Variants in TTN observed in about 807,000 individuals in gnomAD.
TTN encodes connectin.
TTN carries 1,525 observed loss-of-function variants against 3,223.0 expected under a neutral mutation model. The ratio of observed to expected loss-of-function variants is 0.47; its 90% CI spans 0.45 to 0.49. TTN has a LOEUF of 0.49. Among genes scored for constraint, TTN ranks in the 20% least tolerant of loss-of-function variants. The pLI is 0.00. For synonymous variants in TTN, 14,094 were observed against 15,161.0 expected (o/e 0.93, Z 5.17); for missense variants, 40,786 against 43,424.0 (o/e 0.94, Z 5.40).
Position 178,775,302 on chromosome 2 carries a change from T to C in TTN, c.6508+54A>G, listed in dbSNP as rs2092093698. 20 of 1,612,446 alleles carry C rather than the reference T, an allele frequency of 1.2e-5. No individual in the cohort carries two copies. The South Asian group carries it at 1.4e-4, about 12-fold the overall frequency. On this transcript the variant is annotated intron_variant, in intron 28 of 362. Coordinates refer to ENST00000589042, the MANE Select transcript of TTN (RefSeq NM_001267550.2). ...AAGAAAATAAAAGTAAACACACTCA[T>C]GGATATTCTTGAATACAAAGACAGG...
chr2:178,735,318 A>T (rs1206441578), intron 50 of TTN, among the ~76,000 whole-genome samples, 193 bp downstream of exon 50: 1 of 152,228 alleles, frequency 6.6e-6, no homozygotes, highest in East Asian at 1.9e-4. Context: ...TTAAAAGAAC[A>T]AAAGTTAAGT....
At position 178,540,048 on chromosome 2, in the gene TTN, C is replaced by G; in HGVS notation, c.98098+20G>C. The G allele has an allele frequency of 6.3e-7, 1 of 1,594,748 alleles. No individual in the cohort carries two copies. The highest frequency in any genetic ancestry group is 8.6e-7 in the Non-Finnish European group (1 of 1,168,880). On this transcript the variant is annotated intron_variant, in intron 351 of 362. Coordinates refer to ENST00000589042, the MANE Select transcript of TTN (RefSeq NM_001267550.2). ...AGTCTATGGCAATTATTGCAGAAAG[C>G]AAATGATCATATGTCTCACCAAGCA...
At chr2:178,556,640 T>G (rs1168874672) in intron 330 of TTN, 1 of 592,806 alleles carries the variant, frequency 1.7e-6, no homozygotes, top group Non-Finnish European at 2.9e-6. Flanking sequence ...TATCCTGAGG[T>G]CTAAATCTCT....
intron 46 of TTN, among the ~76,000 whole-genome samples, chr2:178,754,786 C>G (rs1386367549): frequency 6.6e-6 from 1 of 152,108 alleles, no homozygotes; most frequent in Non-Finnish European, 1.5e-5. Context: ...TGAGATATTG[C>G]CTTTGTAGGC....
At position 178,573,755 on chromosome 2, in the gene TTN, G is replaced by C. The variant is rs1277679194; in HGVS notation, c.72377C>G (p.Pro24126Arg). ...NVKVLDRPGP[P>R]EGPLAVTEVT... ...TTCAGTTACAGCCAAAGGTCCTTCAGGTGGGCCTGGTCTGTCAAGAACTTT... is the reference window on the plus strand; with the variant it reads ...TTCAGTTACAGCCAAAGGTCCTTCACGTGGGCCTGGTCTGTCAAGAACTTT... Residue 24126 changes from proline (P) to arginine (R), a missense_variant, in exon 326 of 363, where the codon CCT (proline) becomes CGT (arginine). Physicochemically the swap from Pro to Arg is moderately radical, Grantham distance 103. Transcript: ENST00000589042. 6.3e-7 allele frequency: 1 copy of C among 1,587,560 alleles called. No homozygotes were observed. The highest frequency in any genetic ancestry group is 2.2e-5 in the East Asian group (1 of 44,546).
chr2:178,579,983 C>A lies in TTN; in HGVS notation c.67304G>T (p.Gly22435Val). ...ACGAGTTTCACCGGGATCACCAATGCCATACTCATTTTCAGCAAACACTCG... is the reference window on the plus strand; with the variant it reads ...ACGAGTTTCACCGGGATCACCAATGACATACTCATTTTCAGCAAACACTCG... Reference protein sequence around the residue: ...FFRVFAENEYGIGDPGETRDA... With the variant: ...FFRVFAENEYVIGDPGETRDA... Residue 22435 changes from glycine to valine, a missense_variant, in exon 318 of 363, where the codon GGC becomes GTC. Physicochemically the swap from Gly to Val is moderately radical, Grantham distance 109. Transcript: ENST00000589042. 1 of 1,613,250 alleles carries A rather than the reference C, an allele frequency of 6.2e-7. No individual in the cohort carries two copies. Among genetic ancestry groups the A allele is most frequent in the Non-Finnish European group, 8.5e-7 (1 of 1,179,498 alleles).
rs758444365 is a variant in TTN, at chr2:178,621,833, C to T, written c.45082+7G>A. 3 of 1,611,772 alleles carry T rather than the reference C, an allele frequency of 1.9e-6. No individual in the cohort carries two copies. The highest frequency in any genetic ancestry group is 1.7e-4 in the Middle Eastern group (1 of 6,044). On this transcript the variant is annotated splice_region_variant and intron_variant, in intron 244 of 362. Transcript: ENST00000589042. ...ATATACTTCACAAAGAATGACTTTA[C>T]TCTTACCCAGAACTGTCAGCATGCC...
intron 121 of TTN, among the ~76,000 whole-genome samples, chr2:178,691,193 G>A (rs1008908190): frequency 6.6e-6 from 1 of 152,136 alleles, no homozygotes; most frequent in African/African-American, 2.4e-5. Flanking sequence ...TATTCAAAAT[G>A]TACTATTTTA....
chr2:178,777,335 T>A lies in TTN; in HGVS notation c.4646-18A>T. 1 of 1,613,654 alleles carries A rather than the reference T, an allele frequency of 6.2e-7. No homozygotes were observed. The highest frequency in any genetic ancestry group is 8.5e-7 in the Non-Finnish European group (1 of 1,179,908). On this transcript the variant is annotated intron_variant, in intron 26 of 362. Coordinates refer to ENST00000589042, the MANE Select transcript of TTN (RefSeq NM_001267550.2). ...TTCCACAGCTGAAAGAGAAAGGTCA[T>A]GATTTAGAGGGAGTAAGGCTGAAAT... is the stretch of plus-strand genomic sequence containing the variant.
At position 178,731,410 on chromosome 2, in the gene TTN, T is replaced by C. The variant is rs745386654; in HGVS notation, c.17356A>G (p.Ser5786Gly). 6.2e-7 allele frequency: 1 copy of C among 1,613,832 alleles called. No individual in the cohort carries two copies. Among genetic ancestry groups the C allele is most frequent in the South Asian group, 1.1e-5 (1 of 91,082 alleles). Reference sequence around the variant, plus strand: ...ACTTCAATGCCACTGAGGTACAAACTGGCCACATTGTTCTCAAAGGTCATT... The same window carrying C: ...ACTTCAATGCCACTGAGGTACAAACCGGCCACATTGTTCTCAAAGGTCATT... ...IRMTFENNVA[S>G]LYLSGIEVKH... The change falls in exon 59 of 363, where the codon AGT (serine) becomes GGT (glycine). Residue 5786 changes from serine to glycine, a missense_variant. Ser to Gly is a moderately conservative substitution (Grantham distance 56). Coordinates refer to ENST00000589042, the MANE Select transcript of TTN (RefSeq NM_001267550.2).
In TTN at chr2:178,572,192, C is replaced by T. The variant is rs767512581; in HGVS notation, c.73940G>A (p.Arg24647Gln). The stretch of plus-strand genomic sequence containing the variant: ...CATCTCCACAATGTAGCCTAGAATT[C>T]GGCTGCCTCCATCATGCTCTGGTTT... ...WEKPEHDGGS[R>Q]ILGYIVEMQT... The change falls in exon 326 of 363, where the codon CGA becomes CAA. Residue 24647 changes from arginine to glutamine, a missense_variant. Arg to Gln is a conservative substitution (Grantham distance 43, BLOSUM62 1). Coordinates refer to ENST00000589042, the MANE Select transcript of TTN (RefSeq NM_001267550.2). The T allele has an allele frequency of 2.5e-5, 41 of 1,613,332 alleles. No homozygotes were observed. Among genetic ancestry groups the T allele is most frequent in the African/African-American group, 4.0e-5 (3 of 74,894 alleles).
Position 178,572,800 on chromosome 2 carries a change from G to A in TTN, c.73332C>T (p.Cys24444=), listed in dbSNP as rs775374887. ...TGATGGGAACAAAAAGTCTCAGGGTGCAGCAGGCCCTTATAGTAACAACTT... is the reference window on the plus strand; with the variant it reads ...TGATGGGAACAAAAAGTCTCAGGGTACAGCAGGCCCTTATAGTAACAACTT... ...LRKVVTIRAC[C]TLRLFVPIKG... Residue 24444 remains cysteine (C), a synonymous_variant, in exon 326 of 363, where the codon TGC becomes TGT. Transcript: ENST00000589042. 3.1e-6 allele frequency: 5 copies of A among 1,613,332 alleles called. No individual in the cohort carries two copies. The South Asian group carries it at 3.3e-5, about 11-fold the overall frequency.
intron 151 of TTN, 135 bp downstream of exon 151, chr2:178,674,179 G>T (rs960734035): frequency 8.0e-6 from 5 of 622,664 alleles, no homozygotes; most frequent in Non-Finnish European, 1.4e-5. Context: ...AGATTCAGGT[G>T]CCAGGAATAA....
chr2:178,590,496 C>T lies in TTN; in HGVS notation c.61229G>A (p.Cys20410Tyr), dbSNP rs2049975151. The change falls in exon 304 of 363, where the codon TGT (cysteine) becomes TAT (tyrosine). Residue 20410 changes from cysteine (C) to tyrosine (Y), a missense_variant. Transcript: ENST00000589042. ...CCATTGTGCTGTGCCAGGTTTCTGA[C>T]ATTCCACTACATATCCTAGAATGGG... Reference protein sequence around the residue: ...GSPILGYVVECQKPGTAQWNR... With the variant: ...GSPILGYVVEYQKPGTAQWNR... 1.2e-6 allele frequency: 2 copies of T among 1,613,134 alleles called. No individual in the cohort carries two copies. The highest frequency in any genetic ancestry group is 8.5e-7 in the Non-Finnish European group (1 of 1,179,408).
At chr2:178,537,270 G>T in intron 355 of TTN, 27 bp from the exon 356 acceptor site, 1 of 1,547,120 alleles carries the variant, frequency 6.5e-7, no homozygotes, top group Non-Finnish European at 8.7e-7. Context: ...CAATTGTGGT[G>T]GTTTTCATAG....
At position 178,581,597 on chromosome 2, in the gene TTN, TCCATC is replaced by T; in HGVS notation, c.66666_66670del (p.Met22223ArgfsTer12). On this transcript the variant is annotated frameshift_variant, in exon 316 of 363. Coordinates refer to ENST00000589042, the MANE Select transcript of TTN (RefSeq NM_001267550.2). LOFTEE classifies it high-confidence loss of function. ...CACACGGAATTGATATTGTGTGTCTTCCATCAGGCCAGTAACCTCAAAGCGGGTTT... is the reference window on the plus strand; with the variant it reads ...CACACGGAATTGATATTGTGTGTCTTAGGCCAGTAACCTCAAAGCGGGTTT... The T allele has an allele frequency of 6.2e-7, 1 of 1,612,700 alleles. No individual in the cohort carries two copies. Among genetic ancestry groups the T allele is most frequent in the Non-Finnish European group, 8.5e-7 (1 of 1,179,166 alleles).
In TTN at chr2:178,560,641, T is replaced by C. The variant is rs1192867852; in HGVS notation, c.85491A>G (p.Ala28497=). The stretch of plus-strand genomic sequence containing the variant: ...GTAACTCTCCTTCACATATTGTCCA[T>C]GCAAGGTGGCTTGTTTCACGTTTTT... ...IVEKRETSHL[A]WTICEGELQM... is the part of the protein sequence containing the mutation. The change falls in exon 326 of 363, where the codon GCA becomes GCG. Residue 28497 remains alanine (A), a synonymous_variant. Coordinates refer to ENST00000589042, the MANE Select transcript of TTN (RefSeq NM_001267550.2). The C allele has an allele frequency of 5.6e-6, 9 of 1,613,692 alleles. No homozygotes were observed. The highest frequency in any genetic ancestry group is 7.6e-6 in the Non-Finnish European group (9 of 1,179,786).
Position 178,571,751 on chromosome 2 carries a change from G to A in TTN, c.74381C>T (p.Ala24794Val). Residue 24794 changes from alanine to valine, a missense_variant, in exon 326 of 363, where the codon GCT (alanine) becomes GTT (valine). Ala to Val is a moderately conservative substitution (Grantham distance 64). Coordinates refer to ENST00000589042, the MANE Select transcript of TTN (RefSeq NM_001267550.2). ...ATTAAGGGTTTCAATAGCTTCACCA[G>A]CTGAGTTAGTCAGTTTAACCACATA... Reference protein sequence around the residue: ...GHYVVKLTNSAGEAIETLNVI... With the variant: ...GHYVVKLTNSVGEAIETLNVI... 4 of 1,613,380 alleles carry A rather than the reference G, an allele frequency of 2.5e-6. No homozygotes were observed. Among genetic ancestry groups the A allele is most frequent in the Non-Finnish European group, 3.4e-6 (4 of 1,179,514 alleles).
chr2:178,648,889 A>G (rs888326905), intron 213 of TTN, among the ~76,000 whole-genome samples: 1 of 152,036 alleles, frequency 6.6e-6, no homozygotes, highest in Admixed American at 6.6e-5. Flanking sequence ...TTATCTTTCT[A>G]TCCTCTCACC....
Sources: allele counts gnomAD v4.1 joint callset (sites outside exome capture counted in the v4.1 genomes callset), GRCh38; gene constraint gnomAD v4.1.1; transcripts MANE v1.5; gene names NCBI Gene and HGNC (gene_info 2026-07-23, HGNC 2026-07-21).